Variants in CDH18 observed in about 807,000 individuals in gnomAD.
CDH18 encodes cadherin 18, also known as cadherin-18.
CDH18 carries 31 observed loss-of-function variants against 67.9 expected under a neutral mutation model. The observed-to-expected ratio is 0.46, with a 90% CI of 0.34 to 0.62. The LOEUF (loss-of-function observed/expected upper bound fraction) is 0.62. CDH18 is among the 20% of genes least tolerant of loss of function. CDH18 has a pLI of 0.01. For synonymous variants in CDH18, 362 were observed against 347.2 expected, an observed-to-expected ratio of 1.04 and a Z score of -0.48; for missense variants, 890 against 975.5, an observed-to-expected ratio of 0.91 and a Z score of 1.17.
chr5:19,668,924 A>G (rs1758335221), intron 5 of CDH18, among the ~76,000 whole-genome samples: 1 of 151,624 alleles, frequency 6.6e-6, no homozygotes. Flanking sequence ...TTATATTAAA[A>G]TAAGGAATAA....
At chr5:20,541,031 T>C (rs62354274) in intron 1 of CDH18, among the ~76,000 whole-genome samples, 2,613 of 152,314 alleles carry the variant, frequency 0.017, 36 homozygotes, top group African/African-American at 0.029. Context: ...GGAGTAGGGC[T>C]ACGTGCTATT....
intron 2 of CDH18, among the ~76,000 whole-genome samples, chr5:20,223,538 A>G (rs1741389367): frequency 6.6e-6 from 1 of 152,058 alleles, no homozygotes; most frequent in Non-Finnish European, 1.5e-5. Context: ...TTGAAATGTG[A>G]GGGCATGAAA....
intron 1 of CDH18, among the ~76,000 whole-genome samples, chr5:20,398,570 G>A (rs911031286): frequency 2.0e-5 from 3 of 152,054 alleles, no homozygotes; most frequent in Non-Finnish European, 2.9e-5. Flanking sequence ...GTCCTAATGC[G>A]GGGCTTAAAA....
chr5:19,618,365 C>T (rs1750171320), intron 5 of CDH18, among the ~76,000 whole-genome samples: 2 of 151,958 alleles, frequency 1.3e-5, no homozygotes, highest in African/African-American at 4.8e-5. Context: ...ACCACCATGC[C>T]CAGCTATTTT....
chr5:19,486,657 G>A (rs890411972), intron 11 of CDH18, among the ~76,000 whole-genome samples: 2 of 152,062 alleles, frequency 1.3e-5, no homozygotes, highest in African/African-American at 4.8e-5. Flanking sequence ...GCTGGGTGTG[G>A]TGGCGGGCGC....
At chr5:19,812,349 A>G (rs1453238694) in intron 3 of CDH18, among the ~76,000 whole-genome samples, 2 of 152,284 alleles carry the variant, frequency 1.3e-5, no homozygotes. Flanking sequence ...AATTATTATT[A>G]TTTGGAGGTT....
At chr5:19,705,910 G>A (rs4126015) in intron 5 of CDH18, among the ~76,000 whole-genome samples, 147,037 of 152,210 alleles carry the variant, frequency 0.97, 71,215 homozygotes, top group Middle Eastern at 1. Flanking sequence ...AACTAATTGG[G>A]TTCTCCCTAA....
chr5:20,515,709 G>A (rs1008501934), intron 1 of CDH18, among the ~76,000 whole-genome samples: 1 of 150,036 alleles, frequency 6.7e-6, no homozygotes, highest in Admixed American at 6.6e-5. Context: ...TTCCTTTGGA[G>A]AACAATTACT....
At chr5:19,732,511 T>A (rs1024915786) in intron 4 of CDH18, among the ~76,000 whole-genome samples, 7 of 151,840 alleles carry the variant, frequency 4.6e-5, no homozygotes, top group Admixed American at 6.6e-5. Flanking sequence ...CTCAAAAAAA[T>A]AAATAAATAA....
At chr5:20,553,672 C>CTTTGG (rs916734685) in intron 1 of CDH18, among the ~76,000 whole-genome samples, 4 of 152,148 alleles carry the variant, frequency 2.6e-5, no homozygotes, top group Non-Finnish European at 5.9e-5. Context: ...AAAGTTGACT[C>CTTTGG]TTGTAATTTT....
Position 20,050,279 on chromosome 5 carries a change from A to G in CDH18, c.-517-58265T>C, listed in dbSNP as rs549640881. On this transcript the variant is annotated intron_variant, in intron 2 of 14. Coordinates refer to the CDH18 transcript ENST00000507958. ...TTAAAATGCCTAATAGTTACTCTCTATTTGATTTGGGTATGCTGTAGCCAA... is the reference window on the plus strand; with the variant it reads ...TTAAAATGCCTAATAGTTACTCTCTGTTTGATTTGGGTATGCTGTAGCCAA... Among the ~76,000 whole-genome samples the G allele has an allele frequency of 5.3e-5, 8 of 151,934 alleles. 1 individual carries two copies. The South Asian group carries it at 1.7e-3, about 31-fold the overall frequency.
intron 2 of CDH18, among the ~76,000 whole-genome samples, chr5:20,176,689 C>G (rs1390612074): frequency 6.6e-6 from 1 of 151,978 alleles, no homozygotes; most frequent in Non-Finnish European, 1.5e-5. Context: ...TATTTAAATA[C>G]AGTTTTTGCT....
chr5:19,892,886 A>C (rs1788929457), intron 2 of CDH18, among the ~76,000 whole-genome samples: 1 of 152,186 alleles, frequency 6.6e-6, no homozygotes, highest in Admixed American at 6.6e-5. Context: ...CTTGATCCAC[A>C]AAAGTGATGC....
At chr5:20,055,034 A>T (rs1477127259) in intron 2 of CDH18, among the ~76,000 whole-genome samples, 1 of 152,136 alleles carries the variant, frequency 6.6e-6, no homozygotes, top group Non-Finnish European at 1.5e-5. Context: ...CAACATCATC[A>T]TCTATATTTC....
chr5:20,304,049 G>C, intron 1 of CDH18: 4 of 1,580,726 alleles, frequency 2.5e-6, no homozygotes, highest in Non-Finnish European at 3.5e-6. Context: ...GCGTGTTCAG[G>C]CATCCTTTTT....
intron 2 of CDH18, among the ~76,000 whole-genome samples, chr5:20,238,872 C>T (rs1742673256): frequency 6.6e-6 from 1 of 152,062 alleles, no homozygotes; most frequent in South Asian, 2.1e-4. Flanking sequence ...CATATAAAGG[C>T]TATGAATATT....
At chr5:19,484,981 A>G (rs574776402) in intron 11 of CDH18, among the ~76,000 whole-genome samples, 1 of 151,492 alleles carries the variant, frequency 6.6e-6, no homozygotes, top group South Asian at 2.1e-4. Flanking sequence ...TATTCTGAAA[A>G]TAGAAATTGT....
intron 1 of CDH18, among the ~76,000 whole-genome samples, chr5:20,433,181 A>T (rs544818186): frequency 6.6e-6 from 1 of 151,358 alleles, no homozygotes; most frequent in East Asian, 2.0e-4. Flanking sequence ...CCAGTACCCA[A>T]GAATGCAACA....
chr5:20,051,165 C>A (rs551454383), intron 2 of CDH18, among the ~76,000 whole-genome samples: 1 of 151,866 alleles, frequency 6.6e-6, no homozygotes. Context: ...AATAAAATTG[C>A]TATCCTATTT....
Sources: gnomAD v4.1 joint callset for allele counts (sites outside exome capture counted in the v4.1 genomes callset) on GRCh38, gnomAD v4.1.1 for gene constraint, MANE v1.5 for transcripts, NCBI Gene and HGNC (gene_info 2026-07-23, HGNC 2026-07-21) for gene names.